MICU1: variants seen among roughly 807,000 people sequenced by gnomAD.
MICU1 encodes the protein calcium uptake protein 1, mitochondrial.
Under a neutral mutation model 56.8 loss-of-function variants are expected in MICU1, and 45 were observed. That is an observed-to-expected ratio of 0.79 (90% CI 0.62 to 1.02). MICU1 has a LOEUF of 1.02. Among genes scored for constraint, MICU1 ranks in the 50% least tolerant of loss-of-function variants. MICU1 has a pLI of 0.00. For missense variants in MICU1, 504 were observed against 587.1 expected (o/e 0.86, Z 1.46); for synonymous variants, 186 against 195.1 (o/e 0.95, Z 0.39).
chr10:72,398,948 C>A lies in MICU1; in HGVS notation c.1180+8981G>T, dbSNP rs1477942012. 7.2e-5 allele frequency among the ~76,000 whole-genome samples: 11 copies of A among 152,296 alleles called. No homozygotes were observed. The East Asian group carries it at 2.1e-3, about 29-fold the overall frequency. ...ATCCTCCCTAACTCATTTTATGAGGCCAACATCACCCTGATACCAAAGCCT... is the reference window on the plus strand; with the variant it reads ...ATCCTCCCTAACTCATTTTATGAGGACAACATCACCCTGATACCAAAGCCT... On this transcript the variant is annotated intron_variant, in intron 10 of 11. Transcript: ENST00000361114.
intron 8 of MICU1, among the ~76,000 whole-genome samples, chr10:72,458,711 T>G (rs927879650): frequency 5.9e-5 from 9 of 151,410 alleles, no homozygotes; most frequent in African/African-American, 1.7e-4. Flanking sequence ...CCTGTTTTTT[T>G]TTTTTTTTTT....
chr10:72,524,555 G>A (rs759005400), intron 5 of MICU1, among the ~76,000 whole-genome samples: 1 of 152,112 alleles, frequency 6.6e-6, no homozygotes, highest in Non-Finnish European at 1.5e-5. Context: ...TGGGACTTGT[G>A]CAGTGCTTGG....
chr10:72,384,106 G>A (rs1347222193), intron 10 of MICU1, among the ~76,000 whole-genome samples: 1 of 152,084 alleles, frequency 6.6e-6, no homozygotes, highest in Admixed American at 6.6e-5. Context: ...TGATCCTCCC[G>A]CCTCAGCCTC....
intron 5 of MICU1, chr10:72,533,188 G>A: frequency 8.2e-7 from 1 of 1,218,106 alleles, no homozygotes; most frequent in Non-Finnish European, 1.1e-6. Flanking sequence ...ATGTTTGACT[G>A]CTTTATGAGA....
rs917995658 is a variant in MICU1, at chr10:72,377,931, G to T, written c.1181-2059C>A. On this transcript the variant is annotated intron_variant, in intron 10 of 11. Coordinates refer to ENST00000361114, the MANE Select transcript of MICU1 (RefSeq NM_001195518.2). ...TTTACCCGATACGGTTTAGATTTGT[G>T]CCCCCACCCAAATCTCATGTCAAAT... Among the ~76,000 whole-genome samples, 10 of 151,858 alleles carry T rather than the reference G, an allele frequency of 6.6e-5. 1 individual carries two copies. In the South Asian group the frequency reaches 2.1e-3, roughly 32 times the overall value.
intron 8 of MICU1, among the ~76,000 whole-genome samples, chr10:72,474,258 CAAAAAAAAAAAAAAAA>C (rs55978543): frequency 1.6e-5 from 1 of 60,728 alleles, no homozygotes; most frequent in Non-Finnish European, 2.8e-5. Context: ...AGGACTGTCT[CAAAAAAAAAAAAAAAA>C]AAAAAAAAAA....
intron 8 of MICU1, among the ~76,000 whole-genome samples, chr10:72,469,363 T>C (rs1289981720): frequency 6.6e-6 from 1 of 152,176 alleles, no homozygotes; most frequent in Non-Finnish European, 1.5e-5. Context: ...ATACAAAGAA[T>C]GGTGGAATTA....
At chr10:72,401,449 T>C (rs943512076) in intron 10 of MICU1, among the ~76,000 whole-genome samples, 3 of 151,628 alleles carry the variant, frequency 2.0e-5, no homozygotes, top group African/African-American at 7.3e-5. Context: ...AGGTCAGGAG[T>C]TTGAGACCTG....
At chr10:72,505,972 T>C (rs1007538199) in intron 6 of MICU1, among the ~76,000 whole-genome samples, 4 of 126,720 alleles carry the variant, frequency 3.2e-5, no homozygotes, top group Non-Finnish European at 6.7e-5. Context: ...AAAGTTGAAA[T>C]TATAAAAACA....
intron 1 of MICU1, among the ~76,000 whole-genome samples, chr10:72,601,902 C>T (rs1185683842): frequency 1.3e-5 from 2 of 151,348 alleles, no homozygotes; most frequent in Admixed American, 6.6e-5. Context: ...CAGGTTCAAG[C>T]GATTCTTCTG....
chr10:72,539,158 C>A (rs568034954), intron 4 of MICU1, among the ~76,000 whole-genome samples: 4 of 152,148 alleles, frequency 2.6e-5, no homozygotes, highest in Admixed American at 2.6e-4. Flanking sequence ...CTTCAACATC[C>A]CACTTTCAGT....
intron 11 of MICU1, among the ~76,000 whole-genome samples, chr10:72,370,897 G>C (rs1862310269): frequency 6.6e-6 from 1 of 152,034 alleles, no homozygotes; most frequent in African/African-American, 2.4e-5. Context: ...TGGGCATGGT[G>C]GTGGGCGCCT....
chr10:72,441,368 G>C (rs11000299), intron 8 of MICU1, among the ~76,000 whole-genome samples: 67,413 of 147,492 alleles, frequency 0.46, 19,495 homozygotes, highest in Non-Finnish European at 0.67. Flanking sequence ...GAGGTCACTT[G>C]AACAGGGCAG....
chr10:72,510,135 A>G (rs1177933956), intron 5 of MICU1, among the ~76,000 whole-genome samples: 2 of 152,202 alleles, frequency 1.3e-5, no homozygotes. Context: ...GTCTAAGGAT[A>G]GAGTGAAATG....
chr10:72,533,712 G>A (rs371298900), intron 5 of MICU1, 34 bp downstream of exon 5: 30 of 1,486,382 alleles, frequency 2.0e-5, no homozygotes, highest in African/African-American at 1.4e-4. Context: ...GTAAATGATA[G>A]GATATATGTA....
chr10:72,484,328 T>C (rs1243318246), intron 6 of MICU1, among the ~76,000 whole-genome samples: 1 of 152,038 alleles, frequency 6.6e-6, no homozygotes, highest in African/African-American at 2.4e-5. Context: ...TGTAAATGCA[T>C]TAATCTAGTT....
intron 5 of MICU1, chr10:72,532,873 A>C (rs1839525830): frequency 8.6e-7 from 1 of 1,157,854 alleles, no homozygotes; most frequent in Non-Finnish European, 1.1e-6. Flanking sequence ...CTCAACACTT[A>C]TCTCTCCACC....
intron 1 of MICU1, among the ~76,000 whole-genome samples, chr10:72,614,139 A>G (rs3000960): frequency 1 from 152,173 of 152,192 alleles, 76,077 homozygotes; most frequent in Middle Eastern, 1. Context: ...ACAAAACTCC[A>G]TCCCCAAAAA....
At chr10:72,410,229 T>G (rs79884905) in intron 9 of MICU1, among the ~76,000 whole-genome samples, 2,455 of 152,340 alleles carry the variant, frequency 0.016, 21 homozygotes, top group Non-Finnish European at 0.025. Flanking sequence ...TGTGTGAATA[T>G]ACCACAATTT....
Sources: allele counts gnomAD v4.1 joint callset (sites outside exome capture counted in the v4.1 genomes callset), GRCh38; gene constraint gnomAD v4.1.1; transcripts MANE v1.5; gene names NCBI Gene and HGNC (gene_info 2026-07-23, HGNC 2026-07-21).